The following PTPRC variants were observed in gnomAD, a reference collection of about 807,000 sequenced individuals.
PTPRC encodes the protein protein tyrosine phosphatase receptor type C, also known as receptor-type tyrosine-protein phosphatase C.
In PTPRC, 44 loss-of-function variants were observed where a neutral mutation model predicts 155.9. The observed-to-expected ratio is 0.28, with a 90% confidence interval of 0.22 to 0.36. The LOEUF is 0.36. Ranked by LOEUF, PTPRC falls within the 10% of genes least tolerant of loss-of-function variation. The pLI is 1.00. For missense variants in PTPRC, 1,401 were observed against 1,564.6 expected (o/e 0.90, Z 1.76); for synonymous variants, 525 against 533.1 (o/e 0.98, Z 0.21).
At chr1:198,659,010 C>T (rs950803121) in intron 2 of PTPRC, among the ~76,000 whole-genome samples, 3 of 152,020 alleles carry the variant, frequency 2.0e-5, no homozygotes, top group African/African-American at 7.3e-5. Context: ...ATTTTCTTTC[C>T]AGACAAGATT....
intron 2 of PTPRC, among the ~76,000 whole-genome samples, chr1:198,674,917 T>G (rs751738639): frequency 1.3e-5 from 2 of 152,144 alleles, no homozygotes; most frequent in Non-Finnish European, 2.9e-5. Context: ...TCATTTGAAT[T>G]TTGCCCATTT....
At chr1:198,748,592 T>C (rs1424185293) in intron 27 of PTPRC, among the ~76,000 whole-genome samples, 3 of 151,822 alleles carry the variant, frequency 2.0e-5, no homozygotes, top group Non-Finnish European at 4.4e-5. Context: ...TTGTTCTCTA[T>C]ATGTTTCCTT....
chr1:198,679,026 G>C (rs1665124954), intron 2 of PTPRC: 1 of 188,300 alleles, frequency 5.3e-6, no homozygotes. Context: ...CTCAGGTCTT[G>C]CATGTGCAAA....
In PTPRC at chr1:198,713,051, C is replaced by T. The variant is rs142046206; in HGVS notation, c.1270C>T (p.Leu424Phe). 2.4e-5 allele frequency: 39 copies of T among 1,613,606 alleles called. No homozygotes were observed. Among genetic ancestry groups the T allele is most frequent in the Non-Finnish European group, 3.0e-5 (35 of 1,179,744 alleles). The change falls in exon 12 of 33, where the codon CTC (leucine) becomes TTC (phenylalanine). Residue 424 changes from leucine to phenylalanine, a missense_variant. Physicochemically the swap from Leu to Phe is conservative, Grantham distance 22. This residue lies in a region of PTPRC where 867 missense variants were observed against 970.4 expected (regional missense o/e 0.89). Coordinates refer to ENST00000442510, the MANE Select transcript of PTPRC (RefSeq NM_002838.5). The stretch of plus-strand genomic sequence containing the variant: ...TCAAAGATCATTTCATAATTTTACC[C>T]TCTGTTATATAAAAGAGACAGGTAA... ...PPQRSFHNFT[L>F]CYIKETEKDC...
At chr1:198,642,892 T>TTTTCTTTCTTCCTTTCTTTC (rs1287327143) in intron 2 of PTPRC, among the ~76,000 whole-genome samples, 31 of 119,188 alleles carry the variant, frequency 2.6e-4, no homozygotes, top group Non-Finnish European at 3.4e-4. Flanking sequence ...ATCTTTTTTC[T>TTTTCTTTCTTCCTTTCTTTC]TTTCTTTCTT....
intron 2 of PTPRC, among the ~76,000 whole-genome samples, chr1:198,648,407 CG>C (rs1394371641): frequency 1.3e-5 from 2 of 151,558 alleles, no homozygotes; most frequent in Non-Finnish European, 2.9e-5. Flanking sequence ...GGGTCTTAAT[CG>C]GGGTCTATCT....
chr1:198,731,781 T>C, intron 18 of PTPRC, 55 bp downstream of exon 18: 1 of 1,334,868 alleles, frequency 7.5e-7, no homozygotes, highest in Middle Eastern at 1.8e-4. Flanking sequence ...CAGTTCCACT[T>C]TAAGTGTATT....
At position 198,718,248 on chromosome 1, in the gene PTPRC, G is replaced by T; in HGVS notation, c.1605G>T (p.Lys535Asn). ...CTCTGGTTAGAAATGAGTCGCATAA[G>T]AATTGCGATTTCCGTGTAAAAGATC... is the stretch of plus-strand genomic sequence containing the variant. Reference protein sequence around the residue: ...GNTLVRNESHKNCDFRVKDLQ... With the variant: ...GNTLVRNESHNNCDFRVKDLQ... The change falls in exon 14 of 33, where the codon AAG (lysine) becomes AAT (asparagine). Residue 535 changes from lysine (K) to asparagine (N), a missense_variant. Physicochemically the swap from Lys to Asn is moderately conservative, Grantham distance 94. Coordinates refer to ENST00000442510, the MANE Select transcript of PTPRC (RefSeq NM_002838.5). 6.2e-7 allele frequency: 1 copy of T among 1,614,064 alleles called. No individual in the cohort carries two copies. The highest frequency in any genetic ancestry group is 8.5e-7 in the Non-Finnish European group (1 of 1,179,978).
chr1:198,737,739 A>G (rs1654715244), intron 23 of PTPRC, among the ~76,000 whole-genome samples: 1 of 151,692 alleles, frequency 6.6e-6, no homozygotes, highest in Admixed American at 6.6e-5. Flanking sequence ...GAATCTGTAG[A>G]TAGTTTTGAG....
At chr1:198,717,267 T>C (rs1045606185) in intron 13 of PTPRC, among the ~76,000 whole-genome samples, 4 of 152,254 alleles carry the variant, frequency 2.6e-5, no homozygotes, top group African/African-American at 9.6e-5. Context: ...AATATTTTAT[T>C]AGCATTTTCT....
chr1:198,731,125 A>G (rs1273699921), intron 17 of PTPRC, among the ~76,000 whole-genome samples: 1 of 152,122 alleles, frequency 6.6e-6, no homozygotes, highest in Non-Finnish European at 1.5e-5. Flanking sequence ...AATTAATACA[A>G]CTTGTTTCAC....
At position 198,673,956 on chromosome 1, in the gene PTPRC, G is replaced by A. The variant is rs1571814207; in HGVS notation, c.74-18391G>A. ...TTTGCCATATGGATGAATTATATATGCATCTAGAGGCTAAAAACCATAAAA... is the reference window on the plus strand; with the variant it reads ...TTTGCCATATGGATGAATTATATATACATCTAGAGGCTAAAAACCATAAAA... On this transcript the variant is annotated intron_variant, in intron 2 of 32. Coordinates refer to ENST00000442510, the MANE Select transcript of PTPRC (RefSeq NM_002838.5). 2.0e-5 allele frequency among the ~76,000 whole-genome samples: 3 copies of A among 152,260 alleles called. No individual in the cohort carries two copies. The South Asian group carries it at 6.2e-4, about 32-fold the overall frequency.
chr1:198,643,600 G>A (rs537071735), intron 2 of PTPRC, among the ~76,000 whole-genome samples: 6 of 151,534 alleles, frequency 4.0e-5, no homozygotes, highest in African/African-American at 7.3e-5. Context: ...CTCACCTCTC[G>A]TCTGGAAAGA....
intron 23 of PTPRC, among the ~76,000 whole-genome samples, chr1:198,735,917 A>G (rs1402782717): frequency 6.6e-6 from 1 of 151,636 alleles, no homozygotes; most frequent in African/African-American, 2.4e-5. Flanking sequence ...AATGTTCTAT[A>G]ATTAGATATT....
chr1:198,731,677 A>G lies in PTPRC; in HGVS notation c.1925A>G (p.Tyr642Cys), dbSNP rs1654394026. The change falls in exon 18 of 33, where the codon TAT becomes TGT. Residue 642 changes from tyrosine (Y) to cysteine (C), a missense_variant. Tyr to Cys is a radical substitution (Grantham distance 194). Coordinates refer to ENST00000442510, the MANE Select transcript of PTPRC (RefSeq NM_002838.5). ...CATGCAGATATTTTGTTGGAAACTTATAAGAGGAAGATTGCTGATGAAGGA... is the reference window on the plus strand; with the variant it reads ...CATGCAGATATTTTGTTGGAAACTTGTAAGAGGAAGATTGCTGATGAAGGA... The part of the protein sequence containing the change: ...PIHADILLET[Y>C]KRKIADEGRL... 1 of 1,611,842 alleles carries G rather than the reference A, an allele frequency of 6.2e-7. No individual in the cohort carries two copies. The highest frequency in any genetic ancestry group is 1.3e-5 in the African/African-American group (1 of 74,920).
At chr1:198,695,290 G>A (rs1243795086) in intron 3 of PTPRC, 1 of 719,228 alleles carries the variant, frequency 1.4e-6, no homozygotes, top group Non-Finnish European at 1.7e-6. Flanking sequence ...TTCCATATTT[G>A]TGCCATTGTC....
intron 2 of PTPRC, among the ~76,000 whole-genome samples, chr1:198,689,855 T>G (rs1665832371): frequency 6.6e-6 from 1 of 152,162 alleles, no homozygotes; most frequent in Non-Finnish European, 1.5e-5. Context: ...TTAGTCTTAA[T>G]CAGGTGTATC....
intron 2 of PTPRC, among the ~76,000 whole-genome samples, chr1:198,653,021 G>A (rs1211829286): frequency 6.6e-6 from 1 of 151,736 alleles, no homozygotes; most frequent in Non-Finnish European, 1.5e-5. Flanking sequence ...AATACCTTTA[G>A]TTGTCAAATG....
intron 2 of PTPRC, 60 bp downstream of exon 2, chr1:198,639,401 A>C: frequency 7.7e-7 from 1 of 1,291,098 alleles, no homozygotes; most frequent in African/African-American, 1.5e-5. Flanking sequence ...GGAATGTTTG[A>C]AATAGACATA....
Sources: allele counts gnomAD v4.1 joint callset (sites outside exome capture counted in the v4.1 genomes callset), GRCh38; gene constraint gnomAD v4.1.1; regional missense constraint gnomAD v4.1.1; transcripts MANE v1.5; gene names NCBI Gene and HGNC (gene_info 2026-07-23, HGNC 2026-07-21).